Variants in SPG11 observed in about 807,000 individuals in gnomAD.
SPG11 encodes the protein SPG11 vesicle trafficking associated, spatacsin, also known as spatacsin.
SPG11 carries 222 observed loss-of-function variants against 274.0 expected under a neutral mutation model. The observed-to-expected ratio is 0.81, with a 90% CI of 0.73 to 0.91. The LOEUF is 0.91. SPG11 is among the 40% of genes least tolerant of loss of function. The pLI, the probability that SPG11 is intolerant of heterozygous loss-of-function variation, is 0.00. For synonymous variants in SPG11, 1,144 were observed against 1,039.7 expected, an observed-to-expected ratio of 1.10 and a Z score of -1.93; for missense variants, 3,114 against 2,872.7, an observed-to-expected ratio of 1.08 and a Z score of -1.92.
intron 28 of SPG11, among the ~76,000 whole-genome samples, chr15:44,586,195 G>A (rs2082762004): frequency 6.6e-6 from 1 of 151,776 alleles, no homozygotes; most frequent in South Asian, 2.1e-4. Context: ...ATGTTGTCCA[G>A]GCTGCTCTCG....
chr15:44,562,980 C>G lies in SPG11; in HGVS notation c.*141G>C, dbSNP rs1182017129. ...TTCCTCCTGAAAAGTTTCTTACTTG[C>G]TACCTACTACCCACAAAGGACTGAT... On this transcript the variant is annotated 3_prime_UTR_variant, in exon 40 of 40. Transcript: ENST00000261866. 9.3e-6 allele frequency: 7 copies of G among 753,880 alleles called. No homozygotes were observed. Among genetic ancestry groups the G allele is most frequent in the Admixed American group, 5.4e-5 (2 of 36,740 alleles). The allele number at this position is 753,880 out of a possible 1,614,324, so 46.7% of individuals were successfully genotyped here.
In SPG11 at chr15:44,650,077, C is replaced by T. The variant is rs899633862; in HGVS notation, c.1457-1066G>A. Among the ~76,000 whole-genome samples, 12 of 152,218 alleles carry T rather than the reference C, an allele frequency of 7.9e-5. No homozygotes were observed. In the East Asian group the frequency reaches 9.6e-4, roughly 12 times the overall value. ...AAAATTTGGGTATAGAAGAAACACACGGTTAATTCCAATAATCACAACATT... is the reference window on the plus strand; with the variant it reads ...AAAATTTGGGTATAGAAGAAACACATGGTTAATTCCAATAATCACAACATT... On this transcript the variant is annotated intron_variant, in intron 6 of 39. Transcript: ENST00000261866.
chr15:44,629,272 G>A lies in SPG11; in HGVS notation c.1852C>T (p.Leu618Phe). 1 of 1,614,076 alleles carries A rather than the reference G, an allele frequency of 6.2e-7. No individual in the cohort carries two copies. Among genetic ancestry groups the A allele is most frequent in the Non-Finnish European group, 8.5e-7 (1 of 1,179,990 alleles). ...EQLLNLTLSFLNNQIKELFIH... is the reference protein window; with the variant it reads ...EQLLNLTLSFFNNQIKELFIH... ...AAAAGCTCCTTTATTTGGTTGTTAA[G>A]GAAAGACAGTGTAAGATTAAGCAAT... is the stretch of plus-strand genomic sequence containing the variant. The change falls in exon 9 of 40, where the codon CTT (leucine) becomes TTT (phenylalanine). Residue 618 changes from leucine (L) to phenylalanine (F), a missense_variant. Transcript: ENST00000261866.
rs372091379 is a variant in SPG11, at chr15:44,572,655, A to C, written c.6343+28T>G. On this transcript the variant is annotated intron_variant, in intron 33 of 39. Transcript: ENST00000261866. ...CTTTTGAGACCTGTTTAGGGCCAAA[A>C]TATGTAAGAAAAAGGTCAATAACTT... The C allele has an allele frequency of 4.7e-5, 76 of 1,613,918 alleles. No individual in the cohort carries two copies. The African/African-American group carries it at 5.7e-4, about 12-fold the overall frequency.
chr15:44,625,325 T>A lies in SPG11; in HGVS notation c.2244+1006A>T, dbSNP rs570585955. Reference sequence around the variant, plus strand: ...AGCTAGGACTACAGGTGTGCTATGGTTTGGATCTGTGCCCCTGCCCAAATC... The same window carrying A: ...AGCTAGGACTACAGGTGTGCTATGGATTGGATCTGTGCCCCTGCCCAAATC... On this transcript the variant is annotated intron_variant, in intron 11 of 39. Transcript: ENST00000261866. 7.9e-5 allele frequency among the ~76,000 whole-genome samples: 12 copies of A among 152,172 alleles called. No homozygotes were observed. In the East Asian group the frequency reaches 2.3e-3, roughly 29 times the overall value.
At position 44,660,607 on chromosome 15, in the gene SPG11, C is replaced by T. The variant is rs312262709; in HGVS notation, c.267G>A (p.Trp89Ter). The change falls in exon 2 of 40, where the codon TGG becomes TGA. Residue 89 changes from tryptophan to a stop codon, truncating the protein, a stop_gained. Transcript: ENST00000261866. LOFTEE classifies it high-confidence loss of function. ...GTGTGCTGCTGTTACGAGAATCCTC[C>T]CATAGAAAGCTAAGAAAAAAAGTTT... ...CLEGPFWHFL[W>*]EDSRNSSTPT... 4 of 1,614,004 alleles carry T rather than the reference C, an allele frequency of 2.5e-6. No individual in the cohort carries two copies. The South Asian group carries it at 3.3e-5, about 13-fold the overall frequency.
chr15:44,635,595 CAAAAAAAAAA>C (rs56776994), intron 7 of SPG11, among the ~76,000 whole-genome samples: 14 of 54,084 alleles, frequency 2.6e-4, no homozygotes, highest in Admixed American at 1.2e-3. Flanking sequence ...AACCCTGTCT[CAAAAAAAAAA>C]AAAAAAAAAA....
chr15:44,611,809 CTTTTTTTTTT>C (rs71111871), intron 17 of SPG11, among the ~76,000 whole-genome samples: 1 of 119,516 alleles, frequency 8.4e-6, no homozygotes, highest in African/African-American at 3.1e-5. Context: ...TGGTCACTGT[CTTTTTTTTTT>C]TTTTTTTTTG....
intron 25 of SPG11, among the ~76,000 whole-genome samples, chr15:44,595,689 T>C (rs554415286): frequency 6.6e-6 from 1 of 152,306 alleles, no homozygotes; most frequent in South Asian, 2.1e-4. Flanking sequence ...AGGGGGTATA[T>C]GCAAAAGTCA....
rs530077908 is a variant in SPG11 at position 44,601,896 on chromosome 15, C to T, written c.3521-1264G>A. Among the ~76,000 whole-genome samples the T allele has an allele frequency of 7.4e-4, 112 of 152,284 alleles. 1 individual carries two copies. Among genetic ancestry groups the T allele is most frequent in the African/African-American group, 2.6e-3 (108 of 41,574 alleles). On this transcript the variant is annotated intron_variant, in intron 20 of 39. Coordinates refer to ENST00000261866, the MANE Select transcript of SPG11 (RefSeq NM_025137.4). ...CGCGCCCAGCCCACCCAGCCTCTTT[C>T]ACCAATGTTTGATAGTTTAATATGT...
At chr15:44,573,397 TTTG>T in intron 32 of SPG11, 147 bp downstream of exon 32, 3 of 785,514 alleles carry the variant, frequency 3.8e-6, no homozygotes, top group Non-Finnish European at 6.5e-6. Flanking sequence ...AAGCATGTAT[TTTG>T]TTTTATTTAA....
At chr15:44,567,737 G>T in intron 35 of SPG11, 145 bp from the exon 36 acceptor site, 1 of 861,192 alleles carries the variant, frequency 1.2e-6, no homozygotes, top group Non-Finnish European at 1.9e-6. Flanking sequence ...GTTTTATGCT[G>T]TCCCAAGTAT....
Position 44,605,205 on chromosome 15 carries a change from T to A in SPG11, c.3520+820A>T, listed in dbSNP as rs2083290008. Among the ~76,000 whole-genome samples the A allele has an allele frequency of 2.0e-5, 3 of 152,274 alleles. No individual in the cohort carries two copies. The South Asian group carries it at 6.2e-4, about 32-fold the overall frequency. On this transcript the variant is annotated intron_variant, in intron 20 of 39. Transcript: ENST00000261866. ...CTAGTAACTTCACTGAGAAAGAGTA[T>A]TTCTATTTGATAATGCAATAAGCAC...
intron 2 of SPG11, 34 bp from the exon 3 acceptor site, chr15:44,659,337 T>C (rs1290318291): frequency 1.3e-6 from 2 of 1,561,776 alleles, no homozygotes; most frequent in Non-Finnish European, 1.8e-6. Flanking sequence ...TCAAACTCAT[T>C]GGTCACAATT....
intron 20 of SPG11, chr15:44,604,343 C>G (rs1277270597): frequency 1.2e-5 from 3 of 251,782 alleles, no homozygotes; most frequent in Non-Finnish European, 2.5e-5. Flanking sequence ...ACTTTGACAA[C>G]TTGTAATTAC....
At position 44,589,377 on chromosome 15, in the gene SPG11, G is replaced by T; in HGVS notation, c.4781C>A (p.Pro1594His). The T allele has an allele frequency of 6.2e-7, 1 of 1,614,154 alleles. No individual in the cohort carries two copies. The highest frequency in any genetic ancestry group is 2.2e-5 in the East Asian group (1 of 44,896). Residue 1594 changes from proline (P) to histidine (H), a missense_variant, in exon 28 of 40, where the codon CCT becomes CAT. Pro to His is a moderately conservative substitution (Grantham distance 77). Transcript: ENST00000261866. ...TAATKVHPVI[P>H]AMWLEDQVCF... The stretch of plus-strand genomic sequence containing the variant: ...CACCTGATCCTCCAGCCACATGGCA[G>T]GGATGACAGGGTGGACCTTTGTGGC...
intron 26 of SPG11, among the ~76,000 whole-genome samples, chr15:44,593,154 G>A (rs574515848): frequency 5.8e-4 from 88 of 152,260 alleles, no homozygotes; most frequent in African/African-American, 2.0e-3. Context: ...CACACAGGCA[G>A]GAAGCATTCC....
rs1567141736 is a variant in SPG11 at position 44,587,718 on chromosome 15, A to AAAAAAAAAAAAAAAAAC, written c.4906+1533_4906+1534insGTTTTTTTTTTTTTTTT. ...CAAAAAAAAAAAAAAAAAAAAAAAA[A>AAAAAAAAAAAAAAAAAC]AACGTATTCCTGTTCTCTAAGCAAA... On this transcript the variant is annotated intron_variant, in intron 28 of 39. Transcript: ENST00000261866. 1.8e-4 allele frequency among the ~76,000 whole-genome samples: 27 copies of AAAAAAAAAAAAAAAAAC among 148,728 alleles called. 1 individual carries two copies. Among genetic ancestry groups the AAAAAAAAAAAAAAAAAC allele is most frequent in the African/African-American group, 6.7e-4 (26 of 38,974 alleles).
In SPG11 at chr15:44,663,519, G is replaced by A; in HGVS notation, c.129C>T (p.Ser43=). The A allele has an allele frequency of 6.3e-7, 1 of 1,597,188 alleles. No individual in the cohort carries two copies. Among genetic ancestry groups the A allele is most frequent in the Middle Eastern group, 1.7e-4 (1 of 6,034 alleles). Residue 43 remains serine, a synonymous_variant, in exon 1 of 40, where the codon TCC becomes TCT. Coordinates refer to ENST00000261866, the MANE Select transcript of SPG11 (RefSeq NM_025137.4). ...VPAEAMGQLG[S]RAQLRTQPEA... is the part of the protein sequence containing the mutation. The stretch of plus-strand genomic sequence containing the variant: ...CCGGCTGTGTGCGCAGCTGCGCCCG[G>A]GAGCCGAGCTGCCCCATCGCCTCGG...
Sources: allele counts gnomAD v4.1 joint callset (sites outside exome capture counted in the v4.1 genomes callset), GRCh38; gene constraint gnomAD v4.1.1; transcripts MANE v1.5; gene names NCBI Gene and HGNC (gene_info 2026-07-23, HGNC 2026-07-21).